ZNF362: variants seen among roughly 807,000 people sequenced by gnomAD.
The protein encoded by ZNF362 is zinc finger protein 362, also known as rotund homolog.
ZNF362 carries 11 observed loss-of-function variants against 42.9 expected under a neutral mutation model. The ratio of observed to expected loss-of-function variants is 0.26; its 90% CI spans 0.16 to 0.42. ZNF362 has a LOEUF of 0.42. Among genes scored for constraint, ZNF362 ranks in the 20% least tolerant of loss-of-function variants. The pLI, the probability that ZNF362 is intolerant of heterozygous loss-of-function variation, is 1.00. For synonymous variants in ZNF362, 255 were observed against 257.3 expected (o/e 0.99, Z 0.09); for missense variants, 362 against 576.2 (o/e 0.63, Z 3.81).
the ZNF362 span, among the ~76,000 whole-genome samples, chr1:33,205,568 TTATGAC>T: frequency 6.6e-6 from 1 of 152,064 alleles, no homozygotes; most frequent in Non-Finnish European, 1.5e-5. Flanking sequence ...TTATTTGACT[TTATGAC>T]ATTATAAAGC....
chr1:33,146,038 A>C, the ZNF362 span: 1 of 385,484 alleles, frequency 2.6e-6, no homozygotes, highest in African/African-American at 2.1e-5. Flanking sequence ...CTAGTTCTGC[A>C]GTCAGCAGCT....
Position 33,266,416 on chromosome 1 carries a change from C to T in ZNF362, c.-88-4071C>T, listed in dbSNP as rs1645865234. Among the ~76,000 whole-genome samples, 1 of 152,186 alleles carries T rather than the reference C, an allele frequency of 6.6e-6. No individual in the cohort carries two copies. The highest frequency in any genetic ancestry group is 2.1e-4 in the South Asian group (1 of 4,830). Reference sequence around the variant, plus strand: ...AGTGACGGCTGATGGGGAGACAGGCCTAAAGCATATTTAGGTGCATGGTAT... The same window carrying T: ...AGTGACGGCTGATGGGGAGACAGGCTTAAAGCATATTTAGGTGCATGGTAT... On this transcript the variant is annotated intron_variant, in intron 1 of 8. Coordinates refer to ENST00000539719, the MANE Select transcript of ZNF362 (RefSeq NM_152493.3). The surrounding 1 kb of genome is among the most constrained non-coding windows in gnomAD (Gnocchi z 4.3).
At chr1:33,190,361 G>A in the ZNF362 span, among the ~76,000 whole-genome samples, 7 of 152,096 alleles carry the variant, frequency 4.6e-5, no homozygotes, top group Non-Finnish European at 1.0e-4. Flanking sequence ...GTGTCTGATG[G>A]TTAAGTGCTG....
the ZNF362 span, among the ~76,000 whole-genome samples, chr1:33,151,656 C>T: frequency 1.3e-5 from 2 of 152,138 alleles, no homozygotes; most frequent in African/African-American, 2.4e-5. Context: ...TTCTAAGTCC[C>T]GGGACACCAA....
At chr1:33,276,201 C>G in intron 3 of ZNF362, 38 bp downstream of exon 3, 1 of 1,609,188 alleles carries the variant, frequency 6.2e-7, no homozygotes, top group South Asian at 1.1e-5. Flanking sequence ...CCCTACCCTC[C>G]TTGGCGCTGC....
chr1:33,289,665 T>C (rs1434810869), intron 6 of ZNF362, among the ~76,000 whole-genome samples: 1 of 152,196 alleles, frequency 6.6e-6, no homozygotes, highest in East Asian at 1.9e-4. Flanking sequence ...CTCTTGTCAA[T>C]GATTGACTTC....
At chr1:33,161,003 C>T in the ZNF362 span, among the ~76,000 whole-genome samples, 4,079 of 152,262 alleles carry the variant, frequency 0.027, 171 homozygotes, top group African/African-American at 0.082. This position sits in a 1 kb window ranked among gnomAD's most constrained non-coding sequence, Gnocchi z 4.3. Flanking sequence ...TGACAGTCTG[C>T]GTAAGGACTC....
At chr1:33,181,514 G>T in the ZNF362 span, 7 of 1,463,646 alleles carry the variant, frequency 4.8e-6, no homozygotes, top group Non-Finnish European at 6.3e-6. This position sits in a 1 kb window ranked among gnomAD's most constrained non-coding sequence, Gnocchi z 6.5. Context: ...GCAGCACCGA[G>T]GGCTGGGCGC....
chr1:33,234,355 T>G, the ZNF362 span, among the ~76,000 whole-genome samples: 1 of 152,150 alleles, frequency 6.6e-6, no homozygotes, highest in South Asian at 2.1e-4. Flanking sequence ...TCAAATACCT[T>G]AAGTTTCCTT....
chr1:33,281,474 C>A lies in ZNF362; in HGVS notation c.684-113C>A. ...CCCAGGTGGTCCTGTGCTTCTTGGGCTCATCACAGGAAAGACCTGTCCCAG... is the reference window on the plus strand; with the variant it reads ...CCCAGGTGGTCCTGTGCTTCTTGGGATCATCACAGGAAAGACCTGTCCCAG... On this transcript the variant is annotated intron_variant, in intron 5 of 8. Transcript: ENST00000539719. This position sits in a 1 kb window ranked among gnomAD's most constrained non-coding sequence, Gnocchi z 4.8. 2.0e-6 allele frequency: 2 copies of A among 986,380 alleles called. No homozygotes were observed. Among genetic ancestry groups the A allele is most frequent in the Non-Finnish European group, 3.1e-6 (2 of 647,534 alleles). The allele number at this position is 986,380 out of a possible 1,614,324, so 61.1% of individuals were successfully genotyped here. A position where few individuals can be genotyped will look rare whatever the true frequency, so the allele number is the denominator to read the frequency against.
At chr1:33,169,035 A>G in the ZNF362 span, among the ~76,000 whole-genome samples, 6 of 151,920 alleles carry the variant, frequency 3.9e-5, no homozygotes, top group African/African-American at 1.5e-4. Flanking sequence ...GAATCAGAAC[A>G]CTCATTTGCC....
chr1:33,255,700 G>A (rs1212115903), upstream of ZNF362, among the ~76,000 whole-genome samples: 2 of 152,170 alleles, frequency 1.3e-5, no homozygotes, highest in Non-Finnish European at 2.9e-5. Flanking sequence ...ATCCGTCGGG[G>A]ATCCGGCCTA....
intron 6 of ZNF362, among the ~76,000 whole-genome samples, chr1:33,287,763 G>A (rs1646043087): frequency 1.3e-5 from 2 of 152,158 alleles, no homozygotes; most frequent in Non-Finnish European, 1.5e-5. Context: ...CCTTATTAAA[G>A]AACTTCTGTG....
chr1:33,147,072 G>T, the ZNF362 span: 1 of 1,291,440 alleles, frequency 7.7e-7, no homozygotes, highest in Non-Finnish European at 1.1e-6. The surrounding 1 kb of genome is among the most constrained non-coding windows in gnomAD (Gnocchi z 8.1). Context: ...CTGGCCTGAG[G>T]TCTCCAGTGG....
intron 1 of ZNF362, among the ~76,000 whole-genome samples, chr1:33,260,582 G>A (rs1467164212): frequency 6.6e-6 from 1 of 152,184 alleles, no homozygotes; most frequent in Non-Finnish European, 1.5e-5. Context: ...ACCAGTATCT[G>A]AAACCCTCTC....
the ZNF362 span, among the ~76,000 whole-genome samples, chr1:33,232,203 G>A: frequency 6.6e-6 from 1 of 152,122 alleles, no homozygotes; most frequent in Non-Finnish European, 1.5e-5. Flanking sequence ...TGGGACCTAA[G>A]GGGAAGTCTG....
the ZNF362 span, among the ~76,000 whole-genome samples, chr1:33,217,006 T>A: frequency 6.6e-6 from 1 of 151,904 alleles, no homozygotes; most frequent in African/African-American, 2.4e-5. Flanking sequence ...CTGAGGCGGT[T>A]CTGGAGGCAG....
At chr1:33,267,807 C>T (rs1417745577) in intron 1 of ZNF362, among the ~76,000 whole-genome samples, 3 of 152,188 alleles carry the variant, frequency 2.0e-5, no homozygotes, top group African/African-American at 4.8e-5. Context: ...TAAAAAACCA[C>T]TGACGCAAAC....
At chr1:33,149,458 T>A in the ZNF362 span, among the ~76,000 whole-genome samples, 29,055 of 146,598 alleles carry the variant, frequency 0.2, 3,155 homozygotes, top group South Asian at 0.3. Context: ...TGGATTCTTT[T>A]AAAAAAAAAA....
Sources: gnomAD v4.1 joint callset for allele counts (sites outside exome capture counted in the v4.1 genomes callset) on GRCh38, gnomAD v4.1.1 for gene constraint, Gnocchi (gnomAD v3.1) non-coding constraint, MANE v1.5 for transcripts, NCBI Gene and HGNC (gene_info 2026-07-23, HGNC 2026-07-21) for gene names.